NEBL: variants seen among roughly 807,000 people sequenced by gnomAD.
NEBL encodes the protein LIM and SH3 protein 2.
Under a neutral mutation model 140.2 loss-of-function variants are expected in NEBL, and 122 were observed. That is an observed-to-expected ratio of 0.87 (90% CI 0.75 to 1.01). The LOEUF (loss-of-function observed/expected upper bound fraction) is 1.01, where lower values mean the gene tolerates loss of function less well. Among genes scored for constraint, NEBL ranks in the 50% least tolerant of loss-of-function variants. The pLI, the probability that NEBL is intolerant of heterozygous loss-of-function variation, is 0.00. For synonymous variants in NEBL, 436 were observed against 398.9 expected, an observed-to-expected ratio of 1.09 and a Z score of -1.11; for missense variants, 1,365 against 1,231.3, an observed-to-expected ratio of 1.11 and a Z score of -1.62.
chr10:20,901,351 T>C (rs957740027), upstream of NEBL, among the ~76,000 whole-genome samples: 12 of 152,164 alleles, frequency 7.9e-5, no homozygotes, highest in Non-Finnish European at 1.5e-4. Flanking sequence ...CAAGGGAACG[T>C]ATCTGTGCCA....
At chr10:21,240,568 A>C (rs1349288675) in intron 3 of NEBL, among the ~76,000 whole-genome samples, 1 of 151,768 alleles carries the variant, frequency 6.6e-6, no homozygotes, top group African/African-American at 2.4e-5. Context: ...GCTTAAACCC[A>C]AAATCGCGCT....
At chr10:20,856,324 G>A (rs143554055) in intron 9 of NEBL, among the ~76,000 whole-genome samples, 10 of 152,260 alleles carry the variant, frequency 6.6e-5, no homozygotes, top group South Asian at 2.1e-4. Context: ...AAAGGTCAAC[G>A]TTCTTGAAAA....
intron 2 of NEBL, among the ~76,000 whole-genome samples, chr10:21,171,055 G>A (rs939144273): frequency 1.3e-5 from 2 of 152,170 alleles, no homozygotes; most frequent in African/African-American, 4.8e-5. Flanking sequence ...CAAACATCAG[G>A]CCAGGTGCGG....
In NEBL at chr10:20,808,195, G is replaced by A. The variant is rs143715171; in HGVS notation, c.2761+315C>T. Among the ~76,000 whole-genome samples, 319 of 152,058 alleles carry A rather than the reference G, an allele frequency of 2.1e-3. 3 individuals carry two copies. Among genetic ancestry groups the A allele is most frequent in the Middle Eastern group, 3.4e-3 (1 of 292 alleles). On this transcript the variant is annotated intron_variant, in intron 26 of 27. Transcript: ENST00000377122. ...CTCAAGTTTCTCCTATGACTGTGTA[G>A]TGTGTATATTTATCACATATAACTC...
chr10:20,948,309 C>T (rs773334732), intron 4 of NEBL, among the ~76,000 whole-genome samples: 3 of 152,196 alleles, frequency 2.0e-5, no homozygotes, highest in Non-Finnish European at 4.4e-5. Flanking sequence ...AACATAAAGC[C>T]TAGGATCAGA....
intron 20 of NEBL, chr10:20,818,919 TA>T: frequency 1.0e-6 from 1 of 974,940 alleles, no homozygotes; most frequent in South Asian, 4.6e-5. Flanking sequence ...ATAGTTTTAT[TA>T]AATCTGGAGA....
chr10:21,174,028 G>A, exon 1 of NEBL: 4 of 1,144,492 alleles, frequency 3.5e-6, no homozygotes, highest in Non-Finnish European at 4.3e-6. Flanking sequence ...GGGGCCGGCC[G>A]CGCTCTCGGG....
intron 4 of NEBL, chr10:20,961,564 C>T: frequency 1.2e-6 from 1 of 840,692 alleles, no homozygotes; most frequent in Non-Finnish European, 2.1e-6. Flanking sequence ...GCACTGAGTA[C>T]TGCTTGCACC....
chr10:21,292,926 G>A (rs1021395652), exon 1 of NEBL, among the ~76,000 whole-genome samples: 3 of 152,148 alleles, frequency 2.0e-5, no homozygotes, highest in East Asian at 3.9e-4. Flanking sequence ...CTCACACTTG[G>A]CAAATGGCAA....
chr10:20,802,240 T>C (rs964455516), intron 26 of NEBL, among the ~76,000 whole-genome samples: 1 of 152,168 alleles, frequency 6.6e-6, no homozygotes, highest in Non-Finnish European at 1.5e-5. Context: ...GGCAATGAAC[T>C]AGAGGCAAAC....
intron 8 of NEBL, 30 bp from the exon 9 acceptor site, chr10:20,858,374 T>C: frequency 1.4e-6 from 2 of 1,480,110 alleles, no homozygotes; most frequent in Non-Finnish European, 1.9e-6. Context: ...CAAAATACCA[T>C]CGAGGAGAAG....
rs555768085 is a variant in NEBL at position 20,880,320 on chromosome 10, A to G, written c.480+474T>C. Among the ~76,000 whole-genome samples, 59 of 152,338 alleles carry G rather than the reference A, an allele frequency of 3.9e-4. No individual in the cohort carries two copies. In the South Asian group the frequency reaches 0.012, roughly 31 times the overall value. ...GGTTGCAGTGAGCCAAGATTGAGCC[A>G]CTGCACTCCAGCCTGGGTGACAGAG... is the stretch of plus-strand genomic sequence containing the variant. On this transcript the variant is annotated intron_variant, in intron 5 of 27. Coordinates refer to ENST00000377122, the MANE Select transcript of NEBL (RefSeq NM_006393.3).
At chr10:21,208,009 A>G (rs1016299285) in intron 3 of NEBL, among the ~76,000 whole-genome samples, 1 of 152,196 alleles carries the variant, frequency 6.6e-6, no homozygotes, top group Non-Finnish European at 1.5e-5. Context: ...CAAACCAACT[A>G]CACTGAGACA....
chr10:20,826,254 T>C (rs1482003805), intron 18 of NEBL, among the ~76,000 whole-genome samples, 193 bp downstream of exon 18: 1 of 152,172 alleles, frequency 6.6e-6, no homozygotes. Flanking sequence ...AATGAAACAC[T>C]GCTTCAGAGT....
At chr10:21,225,221 C>T (rs1842128280) in intron 3 of NEBL, among the ~76,000 whole-genome samples, 1 of 152,136 alleles carries the variant, frequency 6.6e-6, no homozygotes, top group Non-Finnish European at 1.5e-5. Context: ...TTTTTCTCTT[C>T]CCTTAACTTT....
chr10:20,939,505 G>A (rs375011018), intron 4 of NEBL, among the ~76,000 whole-genome samples: 1 of 152,130 alleles, frequency 6.6e-6, no homozygotes, highest in Non-Finnish European at 1.5e-5. Context: ...GACCATCGAG[G>A]CTAGGAAGAA....
At chr10:20,914,253 C>T (rs529781942) in intron 4 of NEBL, among the ~76,000 whole-genome samples, 11 of 152,238 alleles carry the variant, frequency 7.2e-5, no homozygotes, top group African/African-American at 2.6e-4. Flanking sequence ...GGGTGGGTCG[C>T]TATTATTCAA....
intron 3 of NEBL, among the ~76,000 whole-genome samples, chr10:21,225,260 C>T (rs1349774784): frequency 6.6e-6 from 1 of 152,180 alleles, no homozygotes; most frequent in Non-Finnish European, 1.5e-5. Context: ...CTGTGCTTAG[C>T]TCCATGGAGC....
chr10:20,856,493 A>G (rs1224637330), intron 9 of NEBL, among the ~76,000 whole-genome samples: 1 of 152,212 alleles, frequency 6.6e-6, no homozygotes, highest in Non-Finnish European at 1.5e-5. Flanking sequence ...TGCCACTGCC[A>G]TGATGAAAAC....
Sources: gnomAD v4.1 joint callset for allele counts (sites outside exome capture counted in the v4.1 genomes callset) on GRCh38, gnomAD v4.1.1 for gene constraint, MANE v1.5 for transcripts, NCBI Gene and HGNC (gene_info 2026-07-23, HGNC 2026-07-21) for gene names.